Variants in LYST observed in about 807,000 individuals in gnomAD.
LYST encodes lysosomal-trafficking regulator.
In LYST, 192 loss-of-function variants were observed where a neutral mutation model predicts 413.6. The observed-to-expected ratio is 0.46, with a 90% CI of 0.41 to 0.52. The LOEUF is 0.52. Ranked by LOEUF, LYST falls within the 20% of genes least tolerant of loss-of-function variation. The probability of loss-of-function intolerance (pLI) is 0.00; values close to 1 mark genes in which losing one functional copy is unlikely to be tolerated. For missense variants in LYST, 3,815 were observed against 4,499.9 expected (o/e 0.85, Z 4.35); for synonymous variants, 1,525 against 1,567.3 (o/e 0.97, Z 0.64).
intron 31 of LYST, chr1:235,737,916 A>AAAGAGGTT: frequency 2.4e-5 from 28 of 1,163,404 alleles, no homozygotes; most frequent in Admixed American, 1.8e-4. Context: ...GCTGCCGACG[A>AAAGAGGTT]GTCTGGATCT....
chr1:235,685,096 G>A (rs1660106852), intron 48 of LYST, among the ~76,000 whole-genome samples: 1 of 152,162 alleles, frequency 6.6e-6, no homozygotes, highest in Non-Finnish European at 1.5e-5. Flanking sequence ...CCAGGCTCTT[G>A]TGTAAACTAT....
At position 235,709,140 on chromosome 1, in the gene LYST, T is replaced by C. The variant is rs763841237; in HGVS notation, c.10094A>G (p.Lys3365Arg). The C allele has an allele frequency of 1.2e-6, 2 of 1,614,162 alleles. No individual in the cohort carries two copies. Among genetic ancestry groups the C allele is most frequent in the South Asian group, 2.2e-5 (2 of 91,088 alleles). The change falls in exon 44 of 53, where the codon AAG (lysine) becomes AGG (arginine). Residue 3365 changes from lysine to arginine, a missense_variant. This residue lies in a region of LYST where 866 missense variants were observed against 1,156.0 expected (regional missense o/e 0.75). Transcript: ENST00000389793. Reference sequence around the variant, plus strand: ...TTGAACAGAAGCCTTCCCCTTTTGCTTATACCCAAACACCAAGTCAATCCA... The same window carrying C: ...TTGAACAGAAGCCTTCCCCTTTTGCCTATACCCAAACACCAAGTCAATCCA... ...CQWIDLVFGYKQKGKASVQAI... is the reference protein window; with the variant it reads ...CQWIDLVFGYRQKGKASVQAI...
Position 235,827,401 on chromosome 1 carries a change from C to T in LYST, c.192+2825G>A, listed in dbSNP as rs7416572. 0.013 allele frequency: 13,136 copies of T among 976,410 alleles called. 1,301 individuals are homozygous for T. The African/African-American group carries it at 0.21, about 16-fold the overall frequency. 60.5% of individuals were successfully genotyped at this position (976,410 alleles called of 1,614,324 possible). ...AATAAATAAATATTAATAAAGCAAACGGACTACAGTTGGTGGGAAAGGGCT... is the reference window on the plus strand; with the variant it reads ...AATAAATAAATATTAATAAAGCAAATGGACTACAGTTGGTGGGAAAGGGCT... On this transcript the variant is annotated intron_variant, in intron 3 of 52. Transcript: ENST00000389793.
In LYST at chr1:235,787,300, G is replaced by A. The variant is rs1456909327; in HGVS notation, c.4762C>T (p.Leu1588Phe). The A allele has an allele frequency of 6.2e-7, 1 of 1,613,548 alleles. No homozygotes were observed. Among genetic ancestry groups the A allele is most frequent in the Admixed American group, 1.7e-5 (1 of 59,986 alleles). ...ACTAAATGTTGCCATTTGCTTGGGA[G>A]GAAAATATTCTCCTGTGATTCAACC... ...AQVESQENIF[L>F]PSKWQHLVLT... The change falls in exon 14 of 53, where the codon CTC becomes TTC. Residue 1588 changes from leucine to phenylalanine, a missense_variant. Around this residue, in one of 4 missense-constraint regions of LYST, gnomAD observed 530 missense variants for 696.5 expected, o/e 0.76. Transcript: ENST00000389793.
At chr1:235,747,220 G>A (rs1395036013) in intron 28 of LYST, 2 of 451,366 alleles carry the variant, frequency 4.4e-6, no homozygotes, top group African/African-American at 4.0e-5. Context: ...AAACTGGGGG[G>A]ATGAGTCTTG....
chr1:235,838,240 C>T (rs1312520538), intron 1 of LYST, among the ~76,000 whole-genome samples: 1 of 152,022 alleles, frequency 6.6e-6, no homozygotes, highest in African/African-American at 2.4e-5. Flanking sequence ...AAACAGCAGC[C>T]CATAAGAGAC....
chr1:235,716,279 A>G (rs1431484928), intron 41 of LYST, among the ~76,000 whole-genome samples: 2 of 152,224 alleles, frequency 1.3e-5, no homozygotes, highest in African/African-American at 4.8e-5. Context: ...TTTATTTTTA[A>G]AATGTTAAAA....
At chr1:235,763,021 A>G (rs1442447048) in intron 21 of LYST, among the ~76,000 whole-genome samples, 170 bp from the exon 22 acceptor site, 2 of 152,230 alleles carry the variant, frequency 1.3e-5, no homozygotes, top group Non-Finnish European at 2.9e-5. Flanking sequence ...CTTACTCTTC[A>G]CAATTTTTTA....
chr1:235,680,081 A>G (rs1401184781), intron 48 of LYST, among the ~76,000 whole-genome samples: 1 of 151,716 alleles, frequency 6.6e-6, no homozygotes. Flanking sequence ...TGTTTACATT[A>G]TATTAAAATA....
Position 235,791,976 on chromosome 1 carries a change from G to T in LYST, c.4266C>A (p.Ala1422=), listed in dbSNP as rs764207947. ...CTCGTGCTCTTCTCAATAAACCCATGGCCTTACTGTTTAAAATCCCAGGAT... is the reference window on the plus strand; with the variant it reads ...CTCGTGCTCTTCTCAATAAACCCATTGCCTTACTGTTTAAAATCCCAGGAT... The part of the protein sequence containing the change: ...QKYPGILNSK[A]MGLLRRARVS... The change falls in exon 12 of 53, where the codon GCC becomes GCA. Residue 1422 remains alanine, a synonymous_variant. Coordinates refer to ENST00000389793, the MANE Select transcript of LYST (RefSeq NM_000081.4). The T allele has an allele frequency of 8.7e-6, 14 of 1,613,920 alleles. No homozygotes were observed. The highest frequency in any genetic ancestry group is 1.6e-4 in the Middle Eastern group (1 of 6,082).
intron 38 of LYST, 61 bp downstream of exon 38, chr1:235,728,015 A>C (rs1277202320): frequency 8.6e-7 from 1 of 1,169,204 alleles, no homozygotes; most frequent in Non-Finnish European, 1.3e-6. Context: ...GTTATACTGA[A>C]TTGATACATT....
rs1382761538 is a variant in LYST at position 235,755,465 on chromosome 1, AGAACACACTTAC to A, written c.7229+1_7229+12del. 1.3e-6 allele frequency: 2 copies of A among 1,598,308 alleles called. No homozygotes were observed. Among genetic ancestry groups the A allele is most frequent in the Admixed American group, 1.7e-5 (1 of 59,982 alleles). ...AAGATTCCCAATTATAGTGGAGGGA[AGAACACACTTAC>A]TCTTCATCAAGGCCAATATGTCGAC... On this transcript the variant is annotated splice_donor_variant and splice_donor_5th_base_variant and intron_variant, in intron 25 of 52. Coordinates refer to ENST00000389793, the MANE Select transcript of LYST (RefSeq NM_000081.4). LOFTEE classifies it high-confidence loss of function.
In LYST at chr1:235,774,904, A is replaced by G. The variant is rs377640576; in HGVS notation, c.5634+9T>C. On this transcript the variant is annotated intron_variant, in intron 18 of 52. Coordinates refer to ENST00000389793, the MANE Select transcript of LYST (RefSeq NM_000081.4). ...TGAAACTATAAGAATAAATTTTATG[A>G]AGACATACCTTCAAAATGTAAAACC... The G allele has an allele frequency of 3.8e-6, 6 of 1,580,864 alleles. No homozygotes were observed. In the African/African-American group the frequency reaches 6.7e-5, roughly 18 times the overall value.
chr1:235,839,262 C>T (rs1288517750), intron 1 of LYST, among the ~76,000 whole-genome samples: 2 of 107,816 alleles, frequency 1.9e-5, no homozygotes, highest in African/African-American at 1.4e-4. Context: ...TATATATATA[C>T]AGTTTTTTTT....
chr1:235,725,241 T>C (rs530471754), intron 38 of LYST, among the ~76,000 whole-genome samples: 37 of 152,050 alleles, frequency 2.4e-4, no homozygotes, highest in African/African-American at 8.7e-4. Flanking sequence ...CAAGACCAGC[T>C]TGGCCAACAT....
intron 20 of LYST, among the ~76,000 whole-genome samples, chr1:235,769,905 TAAAG>T (rs955313308): frequency 6.6e-6 from 1 of 152,134 alleles, no homozygotes; most frequent in Non-Finnish European, 1.5e-5. Context: ...TATCCCAACA[TAAAG>T]AAACATCTAA....
In LYST at chr1:235,664,044, G is replaced by A; in HGVS notation, c.11207C>T (p.Thr3736Ile). 6.2e-7 allele frequency: 1 copy of A among 1,612,690 alleles called. No individual in the cohort carries two copies. The highest frequency in any genetic ancestry group is 8.5e-7 in the Non-Finnish European group (1 of 1,178,682). ...TTCTCTCACAGGCTTTAAGTCCCAT[G>A]TGCTCCATAACCTAGAGGGGAAAAA... ...LENGIVRLWS[T>I]WDLKPVREIT... The change falls in exon 52 of 53, where the codon ACA becomes ATA. Residue 3736 changes from threonine to isoleucine, a missense_variant. By Grantham distance (89) the Thr-to-Ile change is moderately conservative. Coordinates refer to ENST00000389793, the MANE Select transcript of LYST (RefSeq NM_000081.4). The surrounding 1 kb of genome is among the most constrained non-coding windows in gnomAD (Gnocchi z 4.5).
intron 30 of LYST, among the ~76,000 whole-genome samples, chr1:235,742,436 C>G (rs1370472830): frequency 1.3e-5 from 2 of 149,396 alleles, no homozygotes; most frequent in Non-Finnish European, 3.0e-5. Context: ...GCTGGGGAGA[C>G]AGACTGAGAC....
Position 235,697,230 on chromosome 1 carries a change from C to T in LYST, c.10417G>A (p.Val3473Met), listed in dbSNP as rs754218446. Residue 3473 changes from valine to methionine, a missense_variant, in exon 46 of 53, where the codon GTG (valine) becomes ATG (methionine). Physicochemically the swap from Val to Met is conservative, Grantham distance 21 (BLOSUM62 1). Transcript: ENST00000389793. ...GGTACTGGAGCACTGGGGGAACCCA[C>T]GTATTCCCCCCATTTCAAGCCTTTT... is the stretch of plus-strand genomic sequence containing the variant. ...WIKGLKWGEY[V>M]GSPSAPVPVV... 2.1e-5 allele frequency: 34 copies of T among 1,613,832 alleles called. No individual in the cohort carries two copies. Among genetic ancestry groups the T allele is most frequent in the Non-Finnish European group, 2.7e-5 (32 of 1,179,928 alleles).
Sources: gnomAD v4.1 joint callset for allele counts (sites outside exome capture counted in the v4.1 genomes callset) on GRCh38, gnomAD v4.1.1 for gene constraint, gnomAD v4.1.1 regional missense constraint, Gnocchi (gnomAD v3.1) non-coding constraint, MANE v1.5 for transcripts, NCBI Gene and HGNC (gene_info 2026-07-23, HGNC 2026-07-21) for gene names.